CCBE1: variants seen among roughly 807,000 people sequenced by gnomAD.
The protein encoded by CCBE1 is collagen and calcium binding EGF domains 1.
Under a neutral mutation model 50.0 loss-of-function variants are expected in CCBE1, and 37 were observed. The observed-to-expected ratio is 0.74, with a 90% CI of 0.57 to 0.97. The LOEUF (loss-of-function observed/expected upper bound fraction) is 0.97. CCBE1 is among the 50% of genes least tolerant of loss of function. CCBE1 has a pLI of 0.00. For synonymous variants in CCBE1, 234 were observed against 203.7 expected, an observed-to-expected ratio of 1.15 and a Z score of -1.27; for missense variants, 538 against 523.8, an observed-to-expected ratio of 1.03 and a Z score of -0.26.
At chr18:59,685,224 G>A (rs1179017209) in intron 2 of CCBE1, among the ~76,000 whole-genome samples, 1 of 152,126 alleles carries the variant, frequency 6.6e-6, no homozygotes, top group South Asian at 2.1e-4. Context: ...GATGGAATTT[G>A]CACCCTGAGA....
At chr18:59,513,674 G>C (rs367613935) in intron 2 of CCBE1, among the ~76,000 whole-genome samples, 23 of 152,204 alleles carry the variant, frequency 1.5e-4, no homozygotes, top group Admixed American at 1.0e-3. Context: ...ATAGCTTCTG[G>C]CTATCCTGAA....
At chr18:59,634,150 T>C (rs2053887821) in intron 2 of CCBE1, among the ~76,000 whole-genome samples, 1 of 152,190 alleles carries the variant, frequency 6.6e-6, no homozygotes, top group South Asian at 2.1e-4. Context: ...AGTATAATCA[T>C]TTTGCAAAAT....
intron 2 of CCBE1, among the ~76,000 whole-genome samples, chr18:59,571,597 G>A (rs1406745069): frequency 2.6e-5 from 4 of 152,014 alleles, no homozygotes; most frequent in Non-Finnish European, 5.9e-5. Flanking sequence ...CACGTTGTGC[G>A]CATGTACCCT....
At position 59,434,320 on chromosome 18, in the gene CCBE1, T is replaced by C. The variant is rs1163854805; in HGVS notation, c.*1588A>G. 1 of 152,122 alleles carries C rather than the reference T, an allele frequency of 6.6e-6. No homozygotes were observed. The highest frequency in any genetic ancestry group is 1.5e-5 in the Non-Finnish European group (1 of 68,038). The allele number at this position is 152,122 out of a possible 1,614,324, so 9.4% of individuals were successfully genotyped here. Reference sequence around the variant, plus strand: ...TGGGAAATTCCAACATGAGCTAATATGAGTGTGAGAACGATCATTTGCAGG... The same window carrying C: ...TGGGAAATTCCAACATGAGCTAATACGAGTGTGAGAACGATCATTTGCAGG... On this transcript the variant is annotated 3_prime_UTR_variant, in exon 11 of 11. Coordinates refer to ENST00000439986, the MANE Select transcript of CCBE1 (RefSeq NM_133459.4).
In CCBE1 at chr18:59,693,864, C is replaced by CTTTTTTTTTTTTTTT; in HGVS notation, c.212+2750_212+2764dup. Among the ~76,000 whole-genome samples the CTTTTTTTTTTTTTTT allele has an allele frequency of 8.6e-4, 61 of 70,770 alleles. 5 individuals are homozygous for CTTTTTTTTTTTTTTT. Among genetic ancestry groups the CTTTTTTTTTTTTTTT allele is most frequent in the African/African-American group, 2.8e-3 (45 of 16,020 alleles). The allele number at this position is 70,770 out of a possible 152,430, so 46.4% of individuals were successfully genotyped here. On this transcript the variant is annotated intron_variant, in intron 2 of 10. Coordinates refer to ENST00000439986, the MANE Select transcript of CCBE1 (RefSeq NM_133459.4). ...AGAATATTTCTTGTTAAAGGAAAGC[C>CTTTTTTTTTTTTTTT]TTTTTTTTTTTTTTTTTTTTTTTTT...
At chr18:59,641,551 CA>C (rs35562671) in intron 2 of CCBE1, among the ~76,000 whole-genome samples, 68,576 of 151,896 alleles carry the variant, frequency 0.45, 17,133 homozygotes, top group Non-Finnish European at 0.56. Context: ...CCCCGTGACA[CA>C]AGATTTACCT....
chr18:59,672,810 A>C (rs1176411099), intron 2 of CCBE1, among the ~76,000 whole-genome samples: 1 of 152,210 alleles, frequency 6.6e-6, no homozygotes, highest in African/African-American at 2.4e-5. Context: ...TGGGAACTAA[A>C]CTATGAGGAT....
At chr18:59,601,596 C>A (rs2053435542) in intron 2 of CCBE1, among the ~76,000 whole-genome samples, 1 of 152,200 alleles carries the variant, frequency 6.6e-6, no homozygotes, top group Non-Finnish European at 1.5e-5. Flanking sequence ...CGGGGTTTCA[C>A]CATGTTGTTC....
At position 59,633,728 on chromosome 18, in the gene CCBE1, T is replaced by C. The variant is rs374928029; in HGVS notation, c.212+62901A>G. Among the ~76,000 whole-genome samples, 61 of 149,272 alleles carry C rather than the reference T, an allele frequency of 4.1e-4. 1 individual carries two copies. In the East Asian group the frequency reaches 0.011, roughly 26 times the overall value. ...AGGCTGCTTCTTCCTAAATTTAGGG[T>C]TTGTTTTTTTTTTTTTAAAATAAAA... On this transcript the variant is annotated intron_variant, in intron 2 of 10. Coordinates refer to ENST00000439986, the MANE Select transcript of CCBE1 (RefSeq NM_133459.4).
chr18:59,495,421 A>C (rs1370717923), intron 2 of CCBE1, among the ~76,000 whole-genome samples: 54 of 137,464 alleles, frequency 3.9e-4, no homozygotes, highest in Admixed American at 2.1e-3. Context: ...CCAGAGCGGG[A>C]AACAGAGGTT....
At chr18:59,532,239 G>A (rs1012193820) in intron 2 of CCBE1, among the ~76,000 whole-genome samples, 7 of 152,220 alleles carry the variant, frequency 4.6e-5, no homozygotes, top group African/African-American at 1.4e-4. Flanking sequence ...TAGAGATGGG[G>A]TTTTGTCATG....
At chr18:59,579,010 C>G (rs2053044282) in intron 2 of CCBE1, among the ~76,000 whole-genome samples, 1 of 152,122 alleles carries the variant, frequency 6.6e-6, no homozygotes, top group Non-Finnish European at 1.5e-5. Flanking sequence ...AGTCACAGTA[C>G]AAACATAGAT....
In CCBE1 at chr18:59,433,088, C is replaced by T. The variant is rs549017472; in HGVS notation, c.*2820G>A. ...CTCTATAAACCCGTGGTTGGTGTGG[C>T]CCTCTGTCATGAATGTTGAATTTTG... is the stretch of plus-strand genomic sequence containing the variant. On this transcript the variant is annotated 3_prime_UTR_variant, in exon 11 of 11. Transcript: ENST00000439986. The T allele has an allele frequency of 1.3e-5, 2 of 152,060 alleles. No individual in the cohort carries two copies. The highest frequency in any genetic ancestry group is 2.1e-4 in the South Asian group (1 of 4,810). The allele number at this position is 152,060 out of a possible 1,614,324, so 9.4% of individuals were successfully genotyped here.
At chr18:59,482,328 C>T (rs1034591877) in intron 2 of CCBE1, among the ~76,000 whole-genome samples, 2 of 152,294 alleles carry the variant, frequency 1.3e-5, no homozygotes, top group South Asian at 2.1e-4. Flanking sequence ...GAAATAGGAA[C>T]ATTTTTACAC....
chr18:59,537,959 A>G (rs1281828192), intron 2 of CCBE1, among the ~76,000 whole-genome samples: 1 of 152,212 alleles, frequency 6.6e-6, no homozygotes, highest in Non-Finnish European at 1.5e-5. Context: ...GAGTTACTTT[A>G]AAACTCCTTG....
chr18:59,674,683 TAA>T (rs1377475571), intron 2 of CCBE1, among the ~76,000 whole-genome samples: 3 of 152,198 alleles, frequency 2.0e-5, no homozygotes, highest in Non-Finnish European at 2.9e-5. Flanking sequence ...AAAATTAATA[TAA>T]GTTATTAAGT....
At chr18:59,613,560 T>C (rs2053598725) in intron 2 of CCBE1, among the ~76,000 whole-genome samples, 1 of 152,152 alleles carries the variant, frequency 6.6e-6, no homozygotes, top group Non-Finnish European at 1.5e-5. Flanking sequence ...TATGTTCCAT[T>C]CTTTTTAGAC....
At chr18:59,519,744 C>T (rs1334846163) in intron 2 of CCBE1, among the ~76,000 whole-genome samples, 1 of 152,154 alleles carries the variant, frequency 6.6e-6, no homozygotes, top group African/African-American at 2.4e-5. Flanking sequence ...GAAGTATTTG[C>T]CCATGCCTAT....
At chr18:59,543,847 A>AAAAAAAG (rs1555690360) in intron 2 of CCBE1, among the ~76,000 whole-genome samples, 47 of 78,598 alleles carry the variant, frequency 6.0e-4, no homozygotes, top group East Asian at 2.9e-3. Context: ...AAAAAAAAAA[A>AAAAAAAG]AAAAAAAAAA....
Sources: allele counts gnomAD v4.1 joint callset (sites outside exome capture counted in the v4.1 genomes callset), GRCh38; gene constraint gnomAD v4.1.1; transcripts MANE v1.5; gene names NCBI Gene and HGNC (gene_info 2026-07-23, HGNC 2026-07-21).